The following SORCS3 variants were observed in gnomAD, a reference collection of about 807,000 sequenced individuals.
SORCS3 encodes the protein sortilin related VPS10 domain containing receptor 3.
SORCS3 carries 57 observed loss-of-function variants against 146.3 expected under a neutral mutation model. The ratio of observed to expected loss-of-function variants is 0.39; its 90% CI spans 0.31 to 0.49. SORCS3 has a LOEUF of 0.49. SORCS3 is among the 20% of genes least tolerant of loss of function. The pLI, the probability that SORCS3 is intolerant of heterozygous loss-of-function variation, is 0.92. For missense variants in SORCS3, 1,341 were observed against 1,575.5 expected (o/e 0.85, Z 2.52); for synonymous variants, 653 against 618.5 (o/e 1.06, Z -0.83).
chr10:105,025,711 C>T (rs1422106639), intron 4 of SORCS3, among the ~76,000 whole-genome samples: 1 of 151,978 alleles, frequency 6.6e-6, no homozygotes, highest in African/African-American at 2.4e-5. Context: ...ACTTCAGGTT[C>T]CTCCAGGGCG....
At chr10:104,717,300 T>TAAAAAAAAAAAAAAAAAGG (rs2016491226) in intron 1 of SORCS3, among the ~76,000 whole-genome samples, 1 of 104,398 alleles carries the variant, frequency 9.6e-6, no homozygotes. Context: ...AAAAAAAATG[T>TAAAAAAAAAAAAAAAAAGG]AAAAAAAAAA....
At chr10:104,649,777 C>G (rs902797011) in intron 1 of SORCS3, among the ~76,000 whole-genome samples, 1 of 152,194 alleles carries the variant, frequency 6.6e-6, no homozygotes, top group Non-Finnish European at 1.5e-5. Context: ...GATGATTACA[C>G]TAATAAGCTA....
intron 3 of SORCS3, among the ~76,000 whole-genome samples, chr10:104,937,804 G>C (rs542186724): frequency 3.2e-4 from 49 of 152,326 alleles, no homozygotes; most frequent in Non-Finnish European, 5.1e-4. Context: ...ATTGCTTTAT[G>C]GACCTTGCCA....
intron 4 of SORCS3, among the ~76,000 whole-genome samples, chr10:105,029,649 G>C (rs1009349027): frequency 2.0e-5 from 3 of 152,160 alleles, no homozygotes; most frequent in Non-Finnish European, 2.9e-5. Flanking sequence ...GGGCTCCCAG[G>C]AGTCAAAAGA....
At chr10:104,997,451 T>C (rs1352229347) in intron 4 of SORCS3, among the ~76,000 whole-genome samples, 1 of 152,138 alleles carries the variant, frequency 6.6e-6, no homozygotes, top group African/African-American at 2.4e-5. Context: ...CCATCAATAA[T>C]CTGATCCCAT....
At chr10:104,842,648 A>C (rs755232401) in intron 1 of SORCS3, 144 bp from the exon 2 acceptor site, 4 of 598,448 alleles carry the variant, frequency 6.7e-6, no homozygotes, top group Non-Finnish European at 1.2e-5. Flanking sequence ...TAATCCTATA[A>C]TACCCCGCAA....
chr10:105,145,868 T>G (rs1278941090), intron 8 of SORCS3, among the ~76,000 whole-genome samples: 1 of 151,410 alleles, frequency 6.6e-6, no homozygotes, highest in East Asian at 1.9e-4. Context: ...GCTTTTCTAC[T>G]TCTCTCATCT....
At chr10:104,677,674 C>A (rs796572373) in intron 1 of SORCS3, among the ~76,000 whole-genome samples, 9 of 152,178 alleles carry the variant, frequency 5.9e-5, no homozygotes, top group Non-Finnish European at 1.2e-4. Context: ...GAGCAGTTGG[C>A]TCAGAGGACG....
chr10:105,031,364 A>C (rs560364573), intron 4 of SORCS3, among the ~76,000 whole-genome samples: 144 of 147,050 alleles, frequency 9.8e-4, no homozygotes, highest in East Asian at 7.7e-3. Flanking sequence ...CACACACACA[A>C]AAACATGTAT....
chr10:104,708,664 T>C (rs900852318), intron 1 of SORCS3, among the ~76,000 whole-genome samples: 2 of 152,212 alleles, frequency 1.3e-5, no homozygotes, highest in African/African-American at 4.8e-5. Flanking sequence ...TTGCTAGCTC[T>C]GGGCTGGCCA....
intron 1 of SORCS3, among the ~76,000 whole-genome samples, chr10:104,802,717 T>C (rs2017637593): frequency 6.6e-6 from 1 of 152,258 alleles, no homozygotes; most frequent in Admixed American, 6.5e-5. Context: ...GGACAACTTT[T>C]GGACATCAAA....
intron 4 of SORCS3, among the ~76,000 whole-genome samples, chr10:105,018,826 C>T (rs1031996587): frequency 6.6e-6 from 1 of 152,076 alleles, no homozygotes; most frequent in African/African-American, 2.4e-5. Flanking sequence ...CTCTCTCTCT[C>T]TCAAACTTAT....
At chr10:104,729,122 T>C (rs1011939288) in intron 1 of SORCS3, among the ~76,000 whole-genome samples, 1 of 152,200 alleles carries the variant, frequency 6.6e-6, no homozygotes, top group Non-Finnish European at 1.5e-5. Flanking sequence ...GATTCTATAA[T>C]AGATTATTTA....
intron 1 of SORCS3, among the ~76,000 whole-genome samples, chr10:104,826,480 C>A (rs1350458380): frequency 6.6e-6 from 1 of 152,160 alleles, no homozygotes; most frequent in Non-Finnish European, 1.5e-5. Flanking sequence ...TTGCCCCATG[C>A]ACATAAATGT....
At chr10:105,253,936 G>A (rs1223063000) in intron 23 of SORCS3, among the ~76,000 whole-genome samples, 1 of 152,136 alleles carries the variant, frequency 6.6e-6, no homozygotes, top group Non-Finnish European at 1.5e-5. Context: ...AACTATATTT[G>A]GAAGCTACAA....
At chr10:104,801,371 G>A (rs1022100398) in intron 1 of SORCS3, among the ~76,000 whole-genome samples, 2 of 152,114 alleles carry the variant, frequency 1.3e-5, no homozygotes, top group African/African-American at 4.8e-5. Flanking sequence ...TTATAACCTC[G>A]GAAAAATTAT....
At chr10:105,136,138 G>A (rs954018108) in intron 7 of SORCS3, among the ~76,000 whole-genome samples, 21 of 152,162 alleles carry the variant, frequency 1.4e-4, no homozygotes, top group South Asian at 2.1e-4. Context: ...GACCATTTCT[G>A]CTACTATAGC....
intron 2 of SORCS3, among the ~76,000 whole-genome samples, chr10:104,852,036 A>C (rs182650736): frequency 2.0e-5 from 3 of 152,348 alleles, no homozygotes; most frequent in Middle Eastern, 3.4e-3. Context: ...TTTGTGCCCA[A>C]GTTAAAGCTA....
intron 7 of SORCS3, among the ~76,000 whole-genome samples, chr10:105,117,934 G>A (rs1380873474): frequency 2.0e-5 from 3 of 152,066 alleles, no homozygotes; most frequent in Non-Finnish European, 4.4e-5. Flanking sequence ...GTACAGTTCA[G>A]GGTCCCCTCT....
Sources: allele counts gnomAD v4.1 joint callset (sites outside exome capture counted in the v4.1 genomes callset), GRCh38; gene constraint gnomAD v4.1.1; transcripts MANE v1.5; gene names NCBI Gene and HGNC (gene_info 2026-07-23, HGNC 2026-07-21).